SFPQ: variants seen among roughly 807,000 people sequenced by gnomAD.
The protein encoded by SFPQ is splicing factor proline and glutamine rich, also known as splicing factor, proline- and glutamine-rich.
Under a neutral mutation model 72.9 loss-of-function variants are expected in SFPQ, and 11 were observed. That is an observed-to-expected ratio of 0.15 (90% CI 0.09 to 0.25). The LOEUF is 0.25. Among genes scored for constraint, SFPQ ranks in the 10% least tolerant of loss-of-function variants. The probability of loss-of-function intolerance (pLI) is 1.00; values close to 1 mark genes in which losing one functional copy is unlikely to be tolerated. For synonymous variants in SFPQ, 506 were observed against 367.3 expected (o/e 1.38, Z -4.32); for missense variants, 847 against 993.3 (o/e 0.85, Z 1.98).
At chr1:35,181,091 G>A (rs527785357), downstream of SFPQ, 1 of 1,064,862 alleles carries the variant, frequency 9.4e-7, no homozygotes, top group Admixed American at 5.3e-5. Context: ...CGGAATAAAA[G>A]TACATACAAG....
chr1:35,188,164 A>G, intron 6 of SFPQ, 74 bp from the exon 7 acceptor site: 2 of 1,125,928 alleles, frequency 1.8e-6, no homozygotes, highest in Non-Finnish European at 2.7e-6. Context: ...GAAACCTAGC[A>G]GTTGACCTAA....
At chr1:35,179,650 A>T (rs529956234), downstream of SFPQ, 42 of 1,055,886 alleles carry the variant, frequency 4.0e-5, 1 homozygote, top group South Asian at 1.7e-3. Context: ...CACTAACGTC[A>T]CAAGTTTCTC....
At position 35,183,133 on chromosome 1, in the gene SFPQ, C is replaced by G. The variant is rs995228511; in HGVS notation, c.*1323G>C. On this transcript the variant is annotated 3_prime_UTR_variant, in exon 10 of 10. Coordinates refer to ENST00000357214, the MANE Select transcript of SFPQ (RefSeq NM_005066.3). The stretch of plus-strand genomic sequence containing the variant: ...AGAGAACCAATAGATTTTTATAGTC[C>G]TATAGATTTTGCCCAACAGAAGTAG... 2 of 1,026,984 alleles carry G rather than the reference C, an allele frequency of 1.9e-6. No individual in the cohort carries two copies. Among genetic ancestry groups the G allele is most frequent in the Non-Finnish European group, 2.3e-6 (2 of 855,140 alleles). 63.6% of individuals were successfully genotyped at this position (1,026,984 alleles called of 1,614,324 possible).
chr1:35,183,559 T>C lies in SFPQ; in HGVS notation c.*897A>G. 1 of 1,018,474 alleles carries C rather than the reference T, an allele frequency of 9.8e-7. No homozygotes were observed. The highest frequency in any genetic ancestry group is 4.7e-4 in the Middle Eastern group (1 of 2,118). 63.1% of individuals were successfully genotyped at this position (1,018,474 alleles called of 1,614,324 possible). A position where few individuals can be genotyped will look rare whatever the true frequency, so the allele number is the denominator to read the frequency against. ...TACTTTCAAGTTTTGTTTTTTAGAC[T>C]ACACCCCATCTTTATAAATCACTTG... On this transcript the variant is annotated 3_prime_UTR_variant, in exon 10 of 10. Coordinates refer to ENST00000357214, the MANE Select transcript of SFPQ (RefSeq NM_005066.3).
At chr1:35,176,901 A>C (rs1217143890) in intron 5 of SFPQ, among the ~76,000 whole-genome samples, 1 of 151,222 alleles carries the variant, frequency 6.6e-6, no homozygotes, top group East Asian at 2.0e-4. Context: ...TCTTTTAATG[A>C]ATGAAAGAAC....
chr1:35,189,832 C>G (rs1193355254), intron 4 of SFPQ, among the ~76,000 whole-genome samples: 1 of 152,080 alleles, frequency 6.6e-6, no homozygotes, highest in Non-Finnish European at 1.5e-5. Flanking sequence ...CACCTGTAAT[C>G]CCAGCTATTC....
downstream of SFPQ, chr1:35,178,143 G>A (rs1570102282): frequency 4.4e-6 from 5 of 1,127,882 alleles, no homozygotes; most frequent in East Asian, 2.6e-4. Context: ...CAGAGATAAA[G>A]ATTGGGGGTA....
chr1:35,182,791 T>C, downstream of SFPQ: 1 of 1,052,644 alleles, frequency 9.5e-7, no homozygotes, highest in Non-Finnish European at 1.1e-6. Context: ...GTTAGGAAGC[T>C]GTTCCTCTAA....
At chr1:35,181,734 A>G, downstream of SFPQ, 9 of 1,061,178 alleles carry the variant, frequency 8.5e-6, no homozygotes, top group Non-Finnish European at 1.0e-5. Context: ...AAATACTTCA[A>G]AAATTGCTAC....
rs1639573340 is a variant in SFPQ, at chr1:35,183,590, A to G, written c.*866T>C. ...CCATCTTTATAAATCACTTGAATAC[A>G]TGAAAAGACTTCATGTTTAACATCT... On this transcript the variant is annotated 3_prime_UTR_variant, in exon 10 of 10. Transcript: ENST00000357214. 9.8e-7 allele frequency: 1 copy of G among 1,024,038 alleles called. No individual in the cohort carries two copies. The highest frequency in any genetic ancestry group is 4.6e-5 in the South Asian group (1 of 21,610). 63.4% of individuals were successfully genotyped at this position (1,024,038 alleles called of 1,614,324 possible). A position where few individuals can be genotyped will look rare whatever the true frequency, so the allele number is the denominator to read the frequency against.
In SFPQ at chr1:35,191,549, GTT is replaced by G. The variant is rs1639996847; in HGVS notation, c.829-22_829-21del. On this transcript the variant is annotated intron_variant, in intron 1 of 9. Coordinates refer to ENST00000357214, the MANE Select transcript of SFPQ (RefSeq NM_005066.3). ...AAACCCCTAATGAAAAAGGAAAGAA[GTT>G]TTCAAACACCAGAGACCTCTGCAAG... is the stretch of plus-strand genomic sequence containing the variant. The G allele has an allele frequency of 1.9e-6, 3 of 1,586,986 alleles. No homozygotes were observed. The highest frequency in any genetic ancestry group is 2.6e-6 in the Non-Finnish European group (3 of 1,162,946).
At position 35,184,096 on chromosome 1, in the gene SFPQ, G is replaced by A; in HGVS notation, c.*360C>T. The A allele has an allele frequency of 9.0e-7, 1 of 1,117,050 alleles. No homozygotes were observed. Among genetic ancestry groups the A allele is most frequent in the Non-Finnish European group, 1.1e-6 (1 of 914,064 alleles). The allele number at this position is 1,117,050 out of a possible 1,614,324, so 69.2% of individuals were successfully genotyped here. ...CGTAGCCTAATATGCATAGAAGCAT[G>A]AATGGCAAAGTTGAAGATCAATATT... On this transcript the variant is annotated 3_prime_UTR_variant, in exon 10 of 10. Coordinates refer to ENST00000357214, the MANE Select transcript of SFPQ (RefSeq NM_005066.3).
At position 35,184,178 on chromosome 1, in the gene SFPQ, T is replaced by C; in HGVS notation, c.*278A>G. On this transcript the variant is annotated 3_prime_UTR_variant, in exon 10 of 10. Coordinates refer to ENST00000357214, the MANE Select transcript of SFPQ (RefSeq NM_005066.3). Reference sequence around the variant, plus strand: ...TAAAAAAAAAAAAATTGGTACACTTTGGAAATTCAGTGGCACAAGGTACAC... The same window carrying C: ...TAAAAAAAAAAAAATTGGTACACTTCGGAAATTCAGTGGCACAAGGTACAC... The C allele has an allele frequency of 1.7e-6, 2 of 1,170,970 alleles. No homozygotes were observed. Among genetic ancestry groups the C allele is most frequent in the South Asian group, 3.0e-5 (1 of 33,616 alleles). The allele number at this position is 1,170,970 out of a possible 1,614,324, so 72.5% of individuals were successfully genotyped here. A position where few individuals can be genotyped will look rare whatever the true frequency, so the allele number is the denominator to read the frequency against.
At chr1:35,181,903 G>T (rs115385043), downstream of SFPQ, 1 of 985,050 alleles carries the variant, frequency 1.0e-6, no homozygotes, top group Non-Finnish European at 1.2e-6. Flanking sequence ...TTTTAGTGAT[G>T]AAAGTCAAAT....
At chr1:35,191,593 A>T (rs1639999714) in intron 1 of SFPQ, 64 bp from the exon 2 acceptor site, 1 of 1,306,730 alleles carries the variant, frequency 7.7e-7, no homozygotes, top group African/African-American at 1.5e-5. Flanking sequence ...TCCCCAAGAT[A>T]GTATTTGCTT....
rs372546993 is a variant in SFPQ, at chr1:35,192,783, C to T, written c.267G>A (p.Pro89=). ...GCTGCTGCTGATGCGGCTGTGGATG[C>T]GGCGGCGGCTGATGCGGTGGCGGCT... The part of the protein sequence containing the change: ...PQQPPPHQPP[P]HPQPHQQQQP... Residue 89 remains proline, a synonymous_variant, in exon 1 of 10, where the codon CCG becomes CCA. Coordinates refer to ENST00000357214, the MANE Select transcript of SFPQ (RefSeq NM_005066.3). 4,849 of 1,495,192 alleles carry T rather than the reference C, an allele frequency of 3.2e-3. 22 individuals are homozygous for T. Among genetic ancestry groups the T allele is most frequent in the South Asian group, 8.8e-3 (703 of 79,718 alleles). 92.6% of individuals were successfully genotyped at this position (1,495,192 alleles called of 1,614,324 possible).
At position 35,183,152 on chromosome 1, in the gene SFPQ, G is replaced by T; in HGVS notation, c.*1304C>A. On this transcript the variant is annotated 3_prime_UTR_variant, in exon 10 of 10. Transcript: ENST00000357214. ...ATAGTCCTATAGATTTTGCCCAACAGAAGTAGCACAAGGAGATGTAAAAGT... is the reference window on the plus strand; with the variant it reads ...ATAGTCCTATAGATTTTGCCCAACATAAGTAGCACAAGGAGATGTAAAAGT... The T allele has an allele frequency of 9.8e-7, 1 of 1,024,824 alleles. No homozygotes were observed. Among genetic ancestry groups the T allele is most frequent in the Non-Finnish European group, 1.2e-6 (1 of 853,582 alleles). The allele number at this position is 1,024,824 out of a possible 1,614,324, so 63.5% of individuals were successfully genotyped here. A position where few individuals can be genotyped will look rare whatever the true frequency, so the allele number is the denominator to read the frequency against.
At chr1:35,187,167 C>G (rs767708763) in intron 8 of SFPQ, 36 bp downstream of exon 8, 8 of 1,613,948 alleles carry the variant, frequency 5.0e-6, no homozygotes, top group South Asian at 1.1e-5. Context: ...GGATACTACT[C>G]TCTACTTATA....
chr1:35,190,091 T>C (rs1404339351), intron 4 of SFPQ, among the ~76,000 whole-genome samples: 1 of 151,792 alleles, frequency 6.6e-6, no homozygotes, highest in Admixed American at 6.6e-5. Flanking sequence ...TGAAAGCCCA[T>C]CTCTACTAAA....
Sources: gnomAD v4.1 joint callset for allele counts (sites outside exome capture counted in the v4.1 genomes callset) on GRCh38, gnomAD v4.1.1 for gene constraint, MANE v1.5 for transcripts, NCBI Gene and HGNC (gene_info 2026-07-23, HGNC 2026-07-21) for gene names.